BATF3: variants seen among roughly 807,000 people sequenced by gnomAD.
BATF3 encodes basic leucine zipper ATF-like transcription factor 3.
Under a neutral mutation model 16.1 loss-of-function variants are expected in BATF3, and 8 were observed. The ratio of observed to expected loss-of-function variants is 0.50; its 90% CI spans 0.29 to 0.90. The LOEUF is 0.90. Ranked by LOEUF, BATF3 falls within the 40% of genes least tolerant of loss-of-function variation. BATF3 has a pLI of 0.08. For synonymous variants in BATF3, 74 were observed against 72.7 expected, an observed-to-expected ratio of 1.02 and a Z score of -0.09; for missense variants, 139 against 167.0, an observed-to-expected ratio of 0.83 and a Z score of 0.92.
At chr1:212,695,143 G>A (rs1019787743) in intron 2 of BATF3, among the ~76,000 whole-genome samples, 1 of 152,102 alleles carries the variant, frequency 6.6e-6, no homozygotes, top group Non-Finnish European at 1.5e-5. Flanking sequence ...CAGGTGGATC[G>A]CTTGAGTCCA....
chr1:212,687,097 C>T (rs1656867096), intron 2 of BATF3, 118 bp from the exon 3 acceptor site: 1 of 692,768 alleles, frequency 1.4e-6, no homozygotes, highest in South Asian at 1.6e-5. Flanking sequence ...ATGTCCCCTC[C>T]ACTGCTCAGA....
chr1:212,691,903 G>A (rs953447580), intron 2 of BATF3, among the ~76,000 whole-genome samples: 1 of 152,242 alleles, frequency 6.6e-6, no homozygotes, highest in Non-Finnish European at 1.5e-5. Flanking sequence ...AGTGTTCAGA[G>A]ATGAATGCAG....
At position 212,689,253 on chromosome 1, in the gene BATF3, C is replaced by T. The variant is rs1052414344; in HGVS notation, c.196-2274G>A. Among the ~76,000 whole-genome samples, 7 of 152,218 alleles carry T rather than the reference C, an allele frequency of 4.6e-5. No homozygotes were observed. Among genetic ancestry groups the T allele is most frequent in the Admixed American group, 3.3e-4 (5 of 15,280 alleles). ...CCAGCACCTACATGCTCAGTGATTC[C>T]TCAGCCCTCATCCTCTGTTTCTTCT... On this transcript the variant is annotated intron_variant, in intron 2 of 2. Transcript: ENST00000243440. This position sits in a 1 kb window ranked among gnomAD's most constrained non-coding sequence, Gnocchi z 4.6.
At chr1:212,692,287 A>G (rs1250336098) in intron 2 of BATF3, among the ~76,000 whole-genome samples, 1 of 152,212 alleles carries the variant, frequency 6.6e-6, no homozygotes, top group Non-Finnish European at 1.5e-5. Flanking sequence ...CAGCACATAC[A>G]TTAAAATTGG....
chr1:212,695,303 G>T (rs1019840362), intron 2 of BATF3, among the ~76,000 whole-genome samples: 23 of 151,958 alleles, frequency 1.5e-4, no homozygotes, highest in Non-Finnish European at 3.4e-4. Flanking sequence ...GACCAGCCTG[G>T]CCAACATGGT....
At chr1:212,694,321 G>T (rs1000731123) in intron 2 of BATF3, among the ~76,000 whole-genome samples, 8 of 152,192 alleles carry the variant, frequency 5.3e-5, no homozygotes, top group African/African-American at 1.4e-4. Context: ...GCCACCAAAT[G>T]TGTGAGAGTT....
rs1347750961 is a variant in BATF3 at position 212,699,745 on chromosome 1, C to A, written c.18G>T (p.Pro6=). The change falls in exon 1 of 3, where the codon CCG becomes CCT. Residue 6 remains proline, a synonymous_variant. Transcript: ENST00000243440. This position sits in a 1 kb window ranked among gnomAD's most constrained non-coding sequence, Gnocchi z 4.4. The part of the protein sequence containing the change: MSQGL[P]AAGSVLQRSV... ...TCCTCTGCAGGACGCTGCCGGCGGC[C>A]GGGAGCCCTTGCGACATGCCGGGCG... 3 of 1,295,444 alleles carry A rather than the reference C, an allele frequency of 2.3e-6. No individual in the cohort carries two copies. The African/African-American group carries it at 4.6e-5, about 20-fold the overall frequency. 80.2% of individuals were successfully genotyped at this position (1,295,444 alleles called of 1,614,324 possible).
rs764049824 is a variant in BATF3, at chr1:212,686,783, C to A, written c.*8G>T. ...GGCTCCTTGCTGGGCAGAGGAGTGT[C>A]CCCGGCTTCATCGGGGCAAGCAGCC... On this transcript the variant is annotated 3_prime_UTR_variant, in exon 3 of 3. Transcript: ENST00000243440. 8.7e-6 allele frequency: 14 copies of A among 1,608,822 alleles called. No homozygotes were observed. Among genetic ancestry groups the A allele is most frequent in the Non-Finnish European group, 1.2e-5 (14 of 1,177,612 alleles).
chr1:212,687,545 C>T (rs1293758377), intron 2 of BATF3: 1 of 154,570 alleles, frequency 6.5e-6, no homozygotes, highest in Non-Finnish European at 1.4e-5. Flanking sequence ...GCCCAATCCA[C>T]ACAATGTAGA....
At chr1:212,687,730 A>C (rs1656882945) in intron 2 of BATF3, among the ~76,000 whole-genome samples, 2 of 152,034 alleles carry the variant, frequency 1.3e-5, no homozygotes, top group African/African-American at 4.8e-5. Flanking sequence ...GTTTGAGACC[A>C]GCCTGGGCAA....
At chr1:212,687,047 C>T (rs1464763121) in intron 2 of BATF3, 68 bp from the exon 3 acceptor site, 15 of 991,140 alleles carry the variant, frequency 1.5e-5, no homozygotes, top group Middle Eastern at 2.1e-4. Flanking sequence ...TCCTGTGCCG[C>T]GCTGTTCACC....
chr1:212,686,481 C>A lies in BATF3; in HGVS notation c.*310G>T, dbSNP rs1034133918. 4 of 339,918 alleles carry A rather than the reference C, an allele frequency of 1.2e-5. No homozygotes were observed. The highest frequency in any genetic ancestry group is 2.0e-5 in the African/African-American group (1 of 49,160). The allele number at this position is 339,918 out of a possible 1,614,324, so 21.1% of individuals were successfully genotyped here. On this transcript the variant is annotated 3_prime_UTR_variant, in exon 3 of 3. Transcript: ENST00000243440. ...AACTGGAGAAGGGAGAGACAATAAGCATCTTTATTATCCAAATTCTAGAGG... is the reference window on the plus strand; with the variant it reads ...AACTGGAGAAGGGAGAGACAATAAGAATCTTTATTATCCAAATTCTAGAGG...
intron 2 of BATF3, among the ~76,000 whole-genome samples, chr1:212,688,001 AAGGAAGGAAGG>A (rs1558019189): frequency 0.017 from 1,734 of 99,518 alleles, 19 homozygotes; most frequent in Middle Eastern, 0.028. Flanking sequence ...GAAAGAAAGG[AAGGAAGGAAGG>A]AAGGAAGGAA....
At chr1:212,687,011 T>C in intron 2 of BATF3, 32 bp from the exon 3 acceptor site, 2 of 1,389,310 alleles carry the variant, frequency 1.4e-6, no homozygotes, top group Non-Finnish European at 2.1e-6. Flanking sequence ...AAATCATTTC[T>C]GGTGCAGCGT....
At chr1:212,693,735 C>G (rs1006594207) in intron 2 of BATF3, among the ~76,000 whole-genome samples, 5 of 152,196 alleles carry the variant, frequency 3.3e-5, no homozygotes, top group Admixed American at 6.5e-5. Context: ...TCCCAGGCAC[C>G]TGGTTCACTC....
intron 2 of BATF3, among the ~76,000 whole-genome samples, chr1:212,695,510 A>C (rs1386360238): frequency 6.6e-6 from 1 of 150,794 alleles, no homozygotes; most frequent in Non-Finnish European, 1.5e-5. Flanking sequence ...AAAAAAAAAA[A>C]AAAAAAACCT....
chr1:212,697,063 G>A lies in BATF3; in HGVS notation c.93C>T (p.Ser31=), dbSNP rs1038708166. The A allele has an allele frequency of 1.2e-6, 2 of 1,613,612 alleles. No homozygotes were observed. Among genetic ancestry groups the A allele is most frequent in the Admixed American group, 1.7e-5 (1 of 59,994 alleles). Residue 31 remains serine, a splice_region_variant and synonymous_variant, in exon 2 of 3, where the codon AGC becomes AGT. Transcript: ENST00000243440. The part of the protein sequence containing the change: ...NQPQPQPQQQ[S]PEDDDRKVRR... Reference sequence around the variant, plus strand: ...GGACCTTCCTGTCATCATCCTCAGGGCTCTGGGGAAAAACACTGGGTGGGT... The same window carrying A: ...GGACCTTCCTGTCATCATCCTCAGGACTCTGGGGAAAAACACTGGGTGGGT...
At chr1:212,695,338 C>G (rs544226160) in intron 2 of BATF3, among the ~76,000 whole-genome samples, 2 of 151,542 alleles carry the variant, frequency 1.3e-5, no homozygotes, top group African/African-American at 4.9e-5. Context: ...ACTAAAAATA[C>G]GAAAAATTAG....
Position 212,686,980 on chromosome 1 carries a change from C to T in BATF3, c.196-1G>A, listed in dbSNP as rs778501842. On this transcript the variant is annotated splice_acceptor_variant, in intron 2 of 2. Coordinates refer to ENST00000243440, the MANE Select transcript of BATF3 (RefSeq NM_018664.3). LOFTEE classifies it high-confidence loss of function. Reference sequence around the variant, plus strand: ...TTTCTTGCTCCAGGCTCTCATATTCCTGGGGGAGACAGAATGGGCAAAATC... The same window carrying T: ...TTTCTTGCTCCAGGCTCTCATATTCTTGGGGGAGACAGAATGGGCAAAATC... 6.3e-7 allele frequency: 1 copy of T among 1,582,222 alleles called. No individual in the cohort carries two copies. The highest frequency in any genetic ancestry group is 8.7e-7 in the Non-Finnish European group (1 of 1,150,924).
Sources: allele counts gnomAD v4.1 joint callset (sites outside exome capture counted in the v4.1 genomes callset), GRCh38; gene constraint gnomAD v4.1.1; non-coding constraint Gnocchi (gnomAD v3.1); transcripts MANE v1.5; gene names NCBI Gene and HGNC (gene_info 2026-07-23, HGNC 2026-07-21).